TBC1D22A: variants seen among roughly 807,000 people sequenced by gnomAD.
The protein encoded by TBC1D22A is TBC1 domain family member 22A.
A neutral mutation model predicts 60.2 loss-of-function variants in TBC1D22A; 38 were observed. That is an observed-to-expected ratio of 0.63 (90% CI 0.49 to 0.83). TBC1D22A has a LOEUF of 0.83. TBC1D22A is among the 40% of genes least tolerant of loss of function. The probability of loss-of-function intolerance (pLI) is 0.00; values close to 1 mark genes in which losing one functional copy is unlikely to be tolerated. For missense variants in TBC1D22A, 628 were observed against 701.0 expected, an observed-to-expected ratio of 0.90 and a Z score of 1.18; for synonymous variants, 302 against 281.7, an observed-to-expected ratio of 1.07 and a Z score of -0.72.
intron 10 of TBC1D22A, among the ~76,000 whole-genome samples, chr22:47,024,783 G>A (rs2062199544): frequency 6.6e-6 from 1 of 152,112 alleles, no homozygotes; most frequent in Non-Finnish European, 1.5e-5. Context: ...CTTGGGCCCA[G>A]GAAGTCAAGG....
intron 7 of TBC1D22A, among the ~76,000 whole-genome samples, chr22:46,903,339 C>G (rs113414954): frequency 1.3e-5 from 2 of 152,160 alleles, no homozygotes. Context: ...CGTCTGTACT[C>G]GGGGAAGCTG....
intron 11 of TBC1D22A, among the ~76,000 whole-genome samples, chr22:47,052,545 C>G (rs1286333582): frequency 1.3e-5 from 2 of 152,182 alleles, no homozygotes; most frequent in Non-Finnish European, 2.9e-5. Context: ...GGGGACTCGC[C>G]TGAGGTCACA....
chr22:47,096,627 G>T (rs1266379630), intron 11 of TBC1D22A, among the ~76,000 whole-genome samples: 4 of 152,112 alleles, frequency 2.6e-5, no homozygotes, highest in Non-Finnish European at 5.9e-5. Flanking sequence ...TTTGAGACCA[G>T]CCTGGCCAAC....
intron 7 of TBC1D22A, among the ~76,000 whole-genome samples, chr22:46,902,975 C>T (rs2069115275): frequency 6.6e-6 from 1 of 151,926 alleles, no homozygotes; most frequent in Non-Finnish European, 1.5e-5. Flanking sequence ...GAGAAGACAG[C>T]CCGAGGAGGG....
intron 1 of TBC1D22A, among the ~76,000 whole-genome samples, chr22:46,770,401 T>C (rs1326969264): frequency 6.6e-6 from 1 of 152,232 alleles, no homozygotes; most frequent in Non-Finnish European, 1.5e-5. Context: ...ATGAGACCCA[T>C]GCCGGATTTC....
intron 10 of TBC1D22A, among the ~76,000 whole-genome samples, chr22:47,003,725 C>G (rs959741545): frequency 3.5e-5 from 5 of 142,364 alleles, no homozygotes; most frequent in Admixed American, 6.9e-5. Flanking sequence ...TATACACACA[C>G]TCTACACACA....
At chr22:47,018,838 G>T (rs927127582) in intron 10 of TBC1D22A, among the ~76,000 whole-genome samples, 1 of 152,092 alleles carries the variant, frequency 6.6e-6, no homozygotes, top group African/African-American at 2.4e-5. Context: ...GGATCCTCAG[G>T]GCCCTCGCCT....
At chr22:46,812,297 G>A (rs928630178) in intron 4 of TBC1D22A, among the ~76,000 whole-genome samples, 9 of 152,224 alleles carry the variant, frequency 5.9e-5, no homozygotes, top group African/African-American at 9.6e-5. Flanking sequence ...CTGCCTGCTC[G>A]TTCCCTGGCA....
rs564537838 is a variant in TBC1D22A at position 46,772,881 on chromosome 22, G to A, written c.62+10033G>A. Among the ~76,000 whole-genome samples, 24 of 152,232 alleles carry A rather than the reference G, an allele frequency of 1.6e-4. No homozygotes were observed. In the South Asian group the frequency reaches 5.0e-3, roughly 32 times the overall value. ...CTGACCTCCTGATCCTCCTGCCTTGGCCTCCCAAAGTGCAGGGATTGCAGG... is the reference window on the plus strand; with the variant it reads ...CTGACCTCCTGATCCTCCTGCCTTGACCTCCCAAAGTGCAGGGATTGCAGG... On this transcript the variant is annotated intron_variant, in intron 1 of 12. Coordinates refer to ENST00000337137, the MANE Select transcript of TBC1D22A (RefSeq NM_014346.5).
chr22:46,934,718 G>A lies in TBC1D22A; in HGVS notation c.1015+22530G>A, dbSNP rs141424991. Among the ~76,000 whole-genome samples, 233 of 152,360 alleles carry A rather than the reference G, an allele frequency of 1.5e-3. 1 individual carries two copies. The highest frequency in any genetic ancestry group is 5.4e-3 in the African/African-American group (225 of 41,584). On this transcript the variant is annotated intron_variant, in intron 8 of 12. Coordinates refer to ENST00000337137, the MANE Select transcript of TBC1D22A (RefSeq NM_014346.5). ...TCCAGGAAGGGTCTGCTCTAAGTCT[G>A]TCTCCTCTCTGGTTCAGTGCAGGGC...
intron 11 of TBC1D22A, among the ~76,000 whole-genome samples, chr22:47,098,456 A>G (rs910698231): frequency 4.6e-5 from 7 of 152,172 alleles, no homozygotes; most frequent in Admixed American, 3.9e-4. Context: ...GTGGGGCCGC[A>G]CCACAGGAAC....
intron 11 of TBC1D22A, among the ~76,000 whole-genome samples, chr22:47,078,329 T>C (rs1479736087): frequency 6.6e-6 from 1 of 152,226 alleles, no homozygotes; most frequent in Admixed American, 6.5e-5. Context: ...CAATCTATAC[T>C]GTAAGATTTT....
At chr22:46,822,885 A>G (rs1253044949) in intron 4 of TBC1D22A, among the ~76,000 whole-genome samples, 1 of 152,112 alleles carries the variant, frequency 6.6e-6, no homozygotes, top group East Asian at 1.9e-4. Context: ...ACCCTGGGCT[A>G]AGATCTAGGT....
At chr22:47,080,624 A>AATATAT (rs1017686404) in intron 11 of TBC1D22A, among the ~76,000 whole-genome samples, 2 of 117,292 alleles carry the variant, frequency 1.7e-5, no homozygotes, top group Admixed American at 9.8e-5. Context: ...TACCTGTAAA[A>AATATAT]ATATATATAT....
intron 12 of TBC1D22A, among the ~76,000 whole-genome samples, chr22:47,171,309 C>G (rs770311744): frequency 6.6e-6 from 1 of 152,336 alleles, no homozygotes; most frequent in African/African-American, 2.4e-5. Flanking sequence ...TCCCTTGTCA[C>G]CTGCTAGGAG....
chr22:46,896,667 T>G (rs1239174014), intron 7 of TBC1D22A, among the ~76,000 whole-genome samples: 1 of 152,134 alleles, frequency 6.6e-6, no homozygotes, highest in Non-Finnish European at 1.5e-5. Context: ...TGTTGTGTTG[T>G]TTTTTTGTCG....
intron 11 of TBC1D22A, among the ~76,000 whole-genome samples, chr22:47,063,205 G>A (rs2063639700): frequency 6.6e-6 from 1 of 152,134 alleles, no homozygotes; most frequent in Non-Finnish European, 1.5e-5. Context: ...CCGCCTCCAG[G>A]GTTCCCAATC....
chr22:47,041,234 T>C (rs2148410191), intron 11 of TBC1D22A, among the ~76,000 whole-genome samples: 1 of 152,376 alleles, frequency 6.6e-6, no homozygotes, highest in South Asian at 2.1e-4. Flanking sequence ...CTACCACCCA[T>C]ATCCCAAAGT....
At chr22:46,847,501 T>G (rs73468768) in intron 4 of TBC1D22A, among the ~76,000 whole-genome samples, 3,283 of 152,346 alleles carry the variant, frequency 0.022, 114 homozygotes, top group African/African-American at 0.075. Flanking sequence ...TGATCATTGT[T>G]ACGCATTCTG....
Sources: allele counts gnomAD v4.1 joint callset (sites outside exome capture counted in the v4.1 genomes callset), GRCh38; gene constraint gnomAD v4.1.1; transcripts MANE v1.5; gene names NCBI Gene and HGNC (gene_info 2026-07-23, HGNC 2026-07-21).